The following OCA2 variants were observed in gnomAD, a reference collection of about 807,000 sequenced individuals.
OCA2 encodes P protein.
In OCA2, 77 loss-of-function variants were observed where a neutral mutation model predicts 100.2. The observed-to-expected ratio is 0.77, with a 90% CI of 0.64 to 0.93. The LOEUF is 0.93. Among genes scored for constraint, OCA2 ranks in the 40% least tolerant of loss-of-function variants. The pLI is 0.00. For synonymous variants in OCA2, 432 were observed against 439.2 expected (o/e 0.98, Z 0.21); for missense variants, 1,062 against 1,089.1 (o/e 0.98, Z 0.35).
At chr15:27,913,899 G>A (rs2038546699) in intron 19 of OCA2, among the ~76,000 whole-genome samples, 1 of 32,820 alleles carries the variant, frequency 3.0e-5, no homozygotes, top group Admixed American at 4.3e-4. Context: ...AAGAAAGCAA[G>A]CAAGCAAGCA....
chr15:27,908,668 C>T (rs2038270783), intron 19 of OCA2, among the ~76,000 whole-genome samples: 1 of 152,190 alleles, frequency 6.6e-6, no homozygotes, highest in Non-Finnish European at 1.5e-5. Context: ...TTCCTTCTCG[C>T]TCTTCCTCCC....
chr15:27,793,946 C>G (rs918103342), intron 23 of OCA2, among the ~76,000 whole-genome samples: 8 of 152,176 alleles, frequency 5.3e-5, no homozygotes, highest in African/African-American at 1.7e-4. Flanking sequence ...AATGAGGAGG[C>G]CCCCATCCCA....
chr15:28,080,606 G>A (rs967118545), intron 2 of OCA2, among the ~76,000 whole-genome samples: 2 of 152,220 alleles, frequency 1.3e-5, no homozygotes, highest in African/African-American at 2.4e-5. Context: ...CCCCTGGAGC[G>A]GGCAGGATGA....
At chr15:27,722,029 C>G in the OCA2 span, among the ~76,000 whole-genome samples, 27 of 152,282 alleles carry the variant, frequency 1.8e-4, no homozygotes, top group East Asian at 5.2e-3. Context: ...TTCACCAGCC[C>G]TTTCAACTTA....
chr15:27,725,825 G>A, the OCA2 span, among the ~76,000 whole-genome samples: 1 of 151,902 alleles, frequency 6.6e-6, no homozygotes, highest in African/African-American at 2.4e-5. Flanking sequence ...TTTTTTCCTT[G>A]CTTTCTTAAA....
rs760141134 is a variant in OCA2, at chr15:27,966,683, T to C, written c.1636+7A>G. The C allele has an allele frequency of 6.2e-7, 1 of 1,613,954 alleles. No homozygotes were observed. Among genetic ancestry groups the C allele is most frequent in the Admixed American group, 1.7e-5 (1 of 60,032 alleles). ...CTGAGCCTACATGAGGTTGCACTTG[T>C]ACTCACCAACAATCTCACTGGGTTC... is the stretch of plus-strand genomic sequence containing the variant. On this transcript the variant is annotated splice_region_variant and intron_variant, in intron 15 of 23. Transcript: ENST00000354638.
intron 23 of OCA2, among the ~76,000 whole-genome samples, chr15:27,760,812 C>T (rs2030775637): frequency 6.6e-6 from 1 of 151,922 alleles, no homozygotes; most frequent in Admixed American, 6.6e-5. Flanking sequence ...ATTGTAAGGC[C>T]AGATTGTCTC....
intron 2 of OCA2, among the ~76,000 whole-genome samples, chr15:28,077,393 A>G (rs2141855502): frequency 6.6e-6 from 1 of 152,280 alleles, no homozygotes; most frequent in East Asian, 1.9e-4. Flanking sequence ...AAATTAGCAT[A>G]TTAGATTAAA....
At chr15:28,069,370 C>T (rs574302442) in intron 2 of OCA2, among the ~76,000 whole-genome samples, 1 of 15,798 alleles carries the variant, frequency 6.3e-5, no homozygotes. Flanking sequence ...CTCCCTCTCC[C>T]TCTCCCTCTC....
intron 19 of OCA2, among the ~76,000 whole-genome samples, chr15:27,904,160 G>C (rs928037183): frequency 1.6e-4 from 24 of 152,064 alleles, no homozygotes; most frequent in Admixed American, 1.6e-3. Context: ...CCGTCCTGCC[G>C]GAGCAGCAAC....
chr15:27,848,027 C>G (rs2035601177), intron 22 of OCA2, among the ~76,000 whole-genome samples: 1 of 152,238 alleles, frequency 6.6e-6, no homozygotes, highest in Non-Finnish European at 1.5e-5. Flanking sequence ...ACCACGCATC[C>G]AGACATGACC....
intron 14 of OCA2, among the ~76,000 whole-genome samples, chr15:27,974,165 CTT>C (rs1320913831): frequency 6.6e-6 from 1 of 152,140 alleles, no homozygotes; most frequent in Non-Finnish European, 1.5e-5. Flanking sequence ...TTTGGGTACT[CTT>C]TATTTCTTTC....
At chr15:27,945,791 T>C (rs921459165) in intron 18 of OCA2, among the ~76,000 whole-genome samples, 11 of 151,736 alleles carry the variant, frequency 7.2e-5, no homozygotes, top group Non-Finnish European at 1.6e-4. Context: ...CATGAGAGAA[T>C]CTGGGGTACA....
At chr15:27,804,441 C>T (rs145487833) in intron 23 of OCA2, among the ~76,000 whole-genome samples, 661 of 152,212 alleles carry the variant, frequency 4.3e-3, no homozygotes, top group South Asian at 0.022. Context: ...AAAAGTTGCC[C>T]AGTTTGTGAA....
chr15:27,801,568 A>G (rs1490866607), intron 23 of OCA2, among the ~76,000 whole-genome samples: 1 of 151,150 alleles, frequency 6.6e-6, no homozygotes, highest in African/African-American at 2.4e-5. Flanking sequence ...AAAAAAAAAA[A>G]AAAAAAAAGA....
chr15:28,075,880 G>A (rs1014950504), intron 2 of OCA2, among the ~76,000 whole-genome samples: 12 of 152,180 alleles, frequency 7.9e-5, no homozygotes, highest in African/African-American at 2.4e-4. Flanking sequence ...AAGTGCTGAC[G>A]GGAAAAGGAA....
Position 27,763,527 on chromosome 15 carries a change from A to G in OCA2, c.2433-8055T>C, listed in dbSNP as rs537391008. On this transcript the variant is annotated intron_variant, in intron 23 of 23. Coordinates refer to ENST00000354638, the MANE Select transcript of OCA2 (RefSeq NM_000275.3). The stretch of plus-strand genomic sequence containing the variant: ...ACTGAAGCTATATGAGTGGAAAACC[A>G]GCACACAAAAAGATGCCTCACATCA... Among the ~76,000 whole-genome samples the G allele has an allele frequency of 2.6e-5, 4 of 152,262 alleles. No homozygotes were observed. The East Asian group carries it at 7.7e-4, about 29-fold the overall frequency.
At chr15:27,948,464 TG>T (rs1341676675) in intron 18 of OCA2, among the ~76,000 whole-genome samples, 1 of 151,910 alleles carries the variant, frequency 6.6e-6, no homozygotes, top group East Asian at 1.9e-4. Flanking sequence ...GGGGTTTTTT[TG>T]TTTTCTGTTT....
chr15:27,851,503 C>T (rs761463260), intron 21 of OCA2, 28 bp from the exon 22 acceptor site: 23 of 1,574,924 alleles, frequency 1.5e-5, no homozygotes, highest in Middle Eastern at 1.7e-4. Context: ...ATTGATGCCA[C>T]GTCCCATGGA....
Sources: gnomAD v4.1 joint callset for allele counts (sites outside exome capture counted in the v4.1 genomes callset) on GRCh38, gnomAD v4.1.1 for gene constraint, MANE v1.5 for transcripts, NCBI Gene and HGNC (gene_info 2026-07-23, HGNC 2026-07-21) for gene names.